The following MYRFL variants were observed in gnomAD, a reference collection of about 807,000 sequenced individuals.
MYRFL encodes myelin regulatory factor like, also known as myelin regulatory factor-like protein.
In MYRFL, 88 loss-of-function variants were observed where a neutral mutation model predicts 109.4. The observed-to-expected ratio is 0.80, with a 90% CI of 0.68 to 0.96. MYRFL has a LOEUF of 0.96. MYRFL is among the 40% of genes least tolerant of loss of function. MYRFL has a pLI of 0.00. For synonymous variants in MYRFL, 324 were observed against 320.9 expected (o/e 1.01, Z -0.10); for missense variants, 957 against 954.9 (o/e 1.00, Z -0.03).
intron 15 of MYRFL, 113 bp downstream of exon 15, chr12:69,927,861 G>A: frequency 2.2e-6 from 2 of 923,392 alleles, no homozygotes; most frequent in Non-Finnish European, 3.2e-6. Flanking sequence ...TCCCTAGTTT[G>A]CATCCTTATG....
At chr12:69,891,674 TTTCTTTCTTTCGTTCG>T (rs1329641727) in intron 7 of MYRFL, among the ~76,000 whole-genome samples, 1 of 116,484 alleles carries the variant, frequency 8.6e-6, no homozygotes. Flanking sequence ...TCTTTCTTTC[TTTCTTTCTTTCGTTCG>T]TTCGTTCTTT....
intron 13 of MYRFL, among the ~76,000 whole-genome samples, chr12:69,915,338 C>T (rs1214480009): frequency 6.6e-6 from 1 of 152,174 alleles, no homozygotes; most frequent in African/African-American, 2.4e-5. Context: ...CTCCATTCTT[C>T]ACTCCATTTC....
Position 69,936,434 on chromosome 12 carries a change from C to T in MYRFL, c.2045-19C>T, listed in dbSNP as rs184724711. 7 of 1,532,350 alleles carry T rather than the reference C, an allele frequency of 4.6e-6. No individual in the cohort carries two copies. The highest frequency in any genetic ancestry group is 4.9e-5 in the East Asian group (2 of 40,856). 94.9% of individuals were successfully genotyped at this position (1,532,350 alleles called of 1,614,324 possible). A position where few individuals can be genotyped will look rare whatever the true frequency, so the allele number is the denominator to read the frequency against. On this transcript the variant is annotated intron_variant, in intron 18 of 24. Coordinates refer to ENST00000552032, the MANE Select transcript of MYRFL (RefSeq NM_182530.3). The stretch of plus-strand genomic sequence containing the variant: ...GTTAACCTTCTTGCTTCCCCTCCCC[C>T]CTGCCCAATGCCTTGCAGCACCTAA...
chr12:69,880,269 T>C lies in MYRFL; in HGVS notation c.533T>C (p.Val178Ala). The C allele has an allele frequency of 1.4e-6, 1 of 702,492 alleles. No homozygotes were observed. The highest frequency in any genetic ancestry group is 1.5e-5 in the South Asian group (1 of 67,538). 43.5% of individuals were successfully genotyped at this position (702,492 alleles called of 1,614,324 possible). The change falls in exon 5 of 25, where the codon GTG becomes GCG. Residue 178 changes from valine to alanine, a missense_variant. Val to Ala is a moderately conservative substitution (Grantham distance 64). Transcript: ENST00000552032. Reference protein sequence around the residue: ...QALEDSGECRVWACHCRPMTS... With the variant: ...QALEDSGECRAWACHCRPMTS... ...CTGGAGGACTCCGGGGAATGCCGAGTGTGGGCCTGCCACTGCAGACCGAGT... is the reference window on the plus strand; with the variant it reads ...CTGGAGGACTCCGGGGAATGCCGAGCGTGGGCCTGCCACTGCAGACCGAGT...
At position 69,877,001 on chromosome 12, in the gene MYRFL, G is replaced by GTCTT. The variant is rs201597849; in HGVS notation, c.138-2005_138-2002dup. Among the ~76,000 whole-genome samples, 93 of 78,554 alleles carry GTCTT rather than the reference G, an allele frequency of 1.2e-3. 1 individual carries two copies. The highest frequency in any genetic ancestry group is 2.5e-3 in the African/African-American group (55 of 21,772). The allele number at this position is 78,554 out of a possible 152,430, so 51.5% of individuals were successfully genotyped here. A position where few individuals can be genotyped will look rare whatever the true frequency, so the allele number is the denominator to read the frequency against. On this transcript the variant is annotated intron_variant, in intron 2 of 24. Coordinates refer to ENST00000552032, the MANE Select transcript of MYRFL (RefSeq NM_182530.3). Reference sequence around the variant, plus strand: ...TGGGGAAGCTAATATAAGGGTCCAGGTCTTTCTTTCTTTCTTTCTTTCTTT... The same window carrying GTCTT: ...TGGGGAAGCTAATATAAGGGTCCAGGTCTTTCTTTCTTTCTTTCTTTCTTTCTTT...
intron 16 of MYRFL, among the ~76,000 whole-genome samples, chr12:69,932,879 G>GTT (rs1377405113): frequency 3.3e-5 from 5 of 150,696 alleles, no homozygotes; most frequent in African/African-American, 1.2e-4. Flanking sequence ...GTGTGTGTGT[G>GTT]TGTTTGTGTG....
Position 69,958,962 on chromosome 12 carries a change from G to A in MYRFL, c.*431G>A. The A allele has an allele frequency of 5.8e-6, 1 of 172,048 alleles. No homozygotes were observed. The highest frequency in any genetic ancestry group is 1.2e-5 in the Non-Finnish European group (1 of 81,366). The allele number at this position is 172,048 out of a possible 1,614,324, so 10.7% of individuals were successfully genotyped here. On this transcript the variant is annotated 3_prime_UTR_variant, in exon 25 of 25. Coordinates refer to ENST00000552032, the MANE Select transcript of MYRFL (RefSeq NM_182530.3). The stretch of plus-strand genomic sequence containing the variant: ...CTTGAGAATGTGTGATATGGTATGT[G>A]GAGGAGATGTGGGGGGTGGTATCTG...
intron 5 of MYRFL, among the ~76,000 whole-genome samples, chr12:69,885,128 T>G (rs775496663): frequency 3.3e-5 from 5 of 152,152 alleles, no homozygotes; most frequent in South Asian, 2.1e-4. Context: ...AAAAAAATAT[T>G]TTAGACCACT....
chr12:69,925,702 C>T (rs1955054089), intron 13 of MYRFL, among the ~76,000 whole-genome samples: 1 of 152,160 alleles, frequency 6.6e-6, no homozygotes, highest in African/African-American at 2.4e-5. Flanking sequence ...ATGGCCTGGA[C>T]TCTCTGGGTT....
At chr12:69,888,085 A>G (rs1886567149) in intron 6 of MYRFL, among the ~76,000 whole-genome samples, 1 of 152,216 alleles carries the variant, frequency 6.6e-6, no homozygotes, top group Non-Finnish European at 1.5e-5. Context: ...TTTCAAGGTA[A>G]GTGTTATCCC....
chr12:69,922,091 C>G (rs17107280), intron 13 of MYRFL, among the ~76,000 whole-genome samples: 6,817 of 151,942 alleles, frequency 0.045, 502 homozygotes, highest in African/African-American at 0.16. Context: ...GGATGCCGAA[C>G]TGACAGTCCT....
chr12:69,915,781 A>T (rs115068092), intron 13 of MYRFL, among the ~76,000 whole-genome samples: 1 of 151,944 alleles, frequency 6.6e-6, no homozygotes, highest in Admixed American at 6.6e-5. Flanking sequence ...CCTGCATTAG[A>T]CCGGTGGCAG....
chr12:69,891,070 C>A lies in MYRFL; in HGVS notation c.807C>A (p.Thr269=). ...VCQKKNHFQI[T]IHIQVWGSPK... is the part of the protein sequence containing the mutation. ...AAAAGAAGAATCATTTCCAGATAAC[C>A]ATTCACATCCAAGTTTGGGGAAGTC... The change falls in exon 7 of 25, where the codon ACC becomes ACA. Residue 269 remains threonine, a synonymous_variant. Coordinates refer to ENST00000552032, the MANE Select transcript of MYRFL (RefSeq NM_182530.3). 1 of 1,534,830 alleles carries A rather than the reference C, an allele frequency of 6.5e-7. No individual in the cohort carries two copies. Among genetic ancestry groups the A allele is most frequent in the Non-Finnish European group, 8.7e-7 (1 of 1,146,350 alleles).
intron 16 of MYRFL, among the ~76,000 whole-genome samples, chr12:69,932,883 T>G (rs61928030): frequency 1.7e-3 from 88 of 52,502 alleles, no homozygotes; most frequent in African/African-American, 1.9e-3. Context: ...GTGTGTGTGT[T>G]TGTGTGTGTG....
chr12:69,842,518 CAGAG>C (rs1460425089), intron 1 of MYRFL, among the ~76,000 whole-genome samples: 4 of 152,088 alleles, frequency 2.6e-5, no homozygotes, highest in African/African-American at 9.7e-5. Flanking sequence ...TAGAGTTGAG[CAGAG>C]AGAAAGAGAT....
At chr12:69,924,390 G>A (rs1004822654) in intron 13 of MYRFL, among the ~76,000 whole-genome samples, 2 of 150,238 alleles carry the variant, frequency 1.3e-5, no homozygotes, top group Non-Finnish European at 2.9e-5. Context: ...GACATGTTTT[G>A]TATTCTTCTT....
intron 23 of MYRFL, 117 bp from the exon 24 acceptor site, chr12:69,958,132 G>T: frequency 8.4e-7 from 1 of 1,185,340 alleles, no homozygotes; most frequent in South Asian, 1.5e-5. Context: ...CCCATCAAAA[G>T]CTGTGATCCC....
intron 19 of MYRFL, among the ~76,000 whole-genome samples, chr12:69,948,720 T>G (rs940563163): frequency 2.0e-5 from 3 of 151,758 alleles, no homozygotes; most frequent in African/African-American, 7.3e-5. Flanking sequence ...AAAATAAATA[T>G]TCAATTTTCT....
At chr12:69,871,231 C>CTTTTTTTT in intron 2 of MYRFL, among the ~76,000 whole-genome samples, 1 of 124,738 alleles carries the variant, frequency 8.0e-6, no homozygotes. Context: ...TTGGATATTT[C>CTTTTTTTT]TTTTTTTTTT....
Sources: gnomAD v4.1 joint callset for allele counts (sites outside exome capture counted in the v4.1 genomes callset) on GRCh38, gnomAD v4.1.1 for gene constraint, MANE v1.5 for transcripts, NCBI Gene and HGNC (gene_info 2026-07-23, HGNC 2026-07-21) for gene names.